Variants in UVSSA observed in about 807,000 individuals in gnomAD.
UVSSA encodes the protein UV stimulated scaffold protein A.
Under a neutral mutation model 73.9 loss-of-function variants are expected in UVSSA, and 72 were observed. That is an observed-to-expected ratio of 0.97 (90% CI 0.81 to 1.19). The LOEUF (loss-of-function observed/expected upper bound fraction) is 1.19, where lower values mean the gene tolerates loss of function less well. Among genes scored for constraint, UVSSA ranks in the 50% most tolerant of loss-of-function variants. The pLI is 0.00. For missense variants in UVSSA, 1,150 were observed against 965.0 expected, an observed-to-expected ratio of 1.19 and a Z score of -2.54; for synonymous variants, 454 against 391.3, an observed-to-expected ratio of 1.16 and a Z score of -1.89.
At chr4:1,352,547 A>G (rs1213602245) in intron 4 of UVSSA, among the ~76,000 whole-genome samples, 1 of 152,204 alleles carries the variant, frequency 6.6e-6, no homozygotes, top group Non-Finnish European at 1.5e-5. Flanking sequence ...TGTCCTGGGA[A>G]GTGCAGGTGG....
chr4:1,366,247 G>A, intron 7 of UVSSA, 73 bp from the exon 8 acceptor site: 1 of 1,203,088 alleles, frequency 8.3e-7, no homozygotes, highest in Non-Finnish European at 1.2e-6. Context: ...GAATTTCCAG[G>A]GCTCTGCCCA....
exon 14 of UVSSA, chr4:1,394,522 C>A (rs764179233): frequency 1.3e-6 from 2 of 1,587,610 alleles, no homozygotes; most frequent in East Asian, 4.5e-5. Flanking sequence ...ATGCATGAGC[C>A]CTCGCTTTGT....
chr4:1,382,694 C>T (rs1037649639), intron 12 of UVSSA, among the ~76,000 whole-genome samples: 1 of 152,200 alleles, frequency 6.6e-6, no homozygotes, highest in Non-Finnish European at 1.5e-5. Flanking sequence ...TTGGATTAAT[C>T]GTTCCTGTAT....
At chr4:1,369,483 G>A (rs1396117627) in intron 8 of UVSSA, among the ~76,000 whole-genome samples, 1 of 152,264 alleles carries the variant, frequency 6.6e-6, no homozygotes, top group Non-Finnish European at 1.5e-5. Context: ...CGAATCTGAA[G>A]TAGTTAGATT....
chr4:1,355,042 A>G (rs1715482929), intron 6 of UVSSA, 75 bp from the exon 7 acceptor site: 4 of 1,583,272 alleles, frequency 2.5e-6, no homozygotes, highest in East Asian at 4.5e-5. Context: ...TGGACCTGGC[A>G]TGTGCCTCCC....
chr4:1,346,786 C>T (rs1281877726), upstream of UVSSA, among the ~76,000 whole-genome samples: 1 of 152,190 alleles, frequency 6.6e-6, no homozygotes, highest in African/African-American at 2.4e-5. Flanking sequence ...CCGGAACTTC[C>T]TTTCGGCCTC....
chr4:1,392,668 T>C (rs1342951337), downstream of UVSSA: 2 of 152,258 alleles, frequency 1.3e-5, no homozygotes, highest in Non-Finnish European at 2.9e-5. Flanking sequence ...CTTTTTAGCT[T>C]CTGACTGTTT....
intron 8 of UVSSA, among the ~76,000 whole-genome samples, chr4:1,367,668 G>A (rs570949683): frequency 5.1e-4 from 77 of 152,174 alleles, no homozygotes; most frequent in African/African-American, 1.8e-3. Context: ...CCGGGACCTC[G>A]CTCTGGGAAC....
chr4:1,347,996 T>C, intron 1 of UVSSA, 94 bp from the exon 2 acceptor site: 1 of 1,078,020 alleles, frequency 9.3e-7, no homozygotes. Flanking sequence ...CCCGGAGCTT[T>C]CGGTTTATAG....
chr4:1,372,867 C>T lies in UVSSA; in HGVS notation c.1289-2497C>T, dbSNP rs1344954031. Among the ~76,000 whole-genome samples, 2 of 145,798 alleles carry T rather than the reference C, an allele frequency of 1.4e-5. 1 individual carries two copies. The highest frequency in any genetic ancestry group is 5.1e-5 in the African/African-American group (2 of 39,596). ...CACTCACCTCCCGCGTCCCTGCACT[C>T]ACCTCCCGCGTCTCAGGGCACTCAC... On this transcript the variant is annotated intron_variant, in intron 8 of 13. Transcript: ENST00000389851.
At chr4:1,380,010 C>T (rs2109295426) in intron 10 of UVSSA, 37 bp from the exon 11 acceptor site, 3 of 1,560,786 alleles carry the variant, frequency 1.9e-6, no homozygotes, top group Non-Finnish European at 2.6e-6. Context: ...TCTGGGGTCC[C>T]TGCAGATGCT....
At chr4:1,362,335 C>A (rs1024786631) in intron 7 of UVSSA, among the ~76,000 whole-genome samples, 7 of 152,182 alleles carry the variant, frequency 4.6e-5, no homozygotes, top group African/African-American at 1.4e-4. Context: ...CACTGTGGAC[C>A]AGCCTTGGGA....
upstream of UVSSA, among the ~76,000 whole-genome samples, chr4:1,344,127 T>G (rs540566101): frequency 6.6e-6 from 1 of 152,346 alleles, no homozygotes; most frequent in South Asian, 2.1e-4. Flanking sequence ...TTAATCTGAC[T>G]GCTTCTAAGA....
chr4:1,370,048 C>T (rs1272352303), intron 8 of UVSSA, among the ~76,000 whole-genome samples: 2 of 152,206 alleles, frequency 1.3e-5, no homozygotes, highest in African/African-American at 4.8e-5. Flanking sequence ...CCACGCGATG[C>T]GCAAGTGGGA....
intron 7 of UVSSA, among the ~76,000 whole-genome samples, chr4:1,361,869 T>A (rs867746094): frequency 5.6e-4 from 85 of 151,626 alleles, no homozygotes; most frequent in African/African-American, 1.6e-3. Flanking sequence ...TTTTTTTTTT[T>A]ATAAAAAGGG....
At chr4:1,360,560 C>T (rs963622874) in intron 7 of UVSSA, among the ~76,000 whole-genome samples, 4 of 152,316 alleles carry the variant, frequency 2.6e-5, no homozygotes, top group East Asian at 1.9e-4. Context: ...GTGCTATGGC[C>T]GCGCCCAGAG....
At chr4:1,357,274 G>A (rs1282887321) in intron 7 of UVSSA, among the ~76,000 whole-genome samples, 2 of 152,220 alleles carry the variant, frequency 1.3e-5, no homozygotes, top group Non-Finnish European at 2.9e-5. Flanking sequence ...GCTGATGGGT[G>A]GCATGGTCTG....
upstream of UVSSA, among the ~76,000 whole-genome samples, chr4:1,347,021 T>C (rs1235306228): frequency 6.6e-6 from 1 of 152,038 alleles, no homozygotes; most frequent in Non-Finnish European, 1.5e-5. Context: ...TCAGGGCACG[T>C]GCTAGGGGGC....
rs779329130 is a variant in UVSSA at position 1,349,731 on chromosome 4, C to T, written c.306C>T (p.Pro102=). 1.9e-6 allele frequency: 3 copies of T among 1,613,490 alleles called. No individual in the cohort carries two copies. Among genetic ancestry groups the T allele is most frequent in the Non-Finnish European group, 2.5e-6 (3 of 1,179,812 alleles). Reference sequence around the variant, plus strand: ...ACCCCGCACAGCCTCTGCCGCCCCCCAGGGAGGCGGCACAGAGGCTGAGGC... The same window carrying T: ...ACCCCGCACAGCCTCTGCCGCCCCCTAGGGAGGCGGCACAGAGGCTGAGGC... ...GTDPAQPLPP[P]REAAQRLRQA... is the part of the protein sequence containing the mutation. The change falls in exon 3 of 14, where the codon CCC becomes CCT. Residue 102 remains proline (P), a synonymous_variant. Coordinates refer to ENST00000389851, the MANE Select transcript of UVSSA (RefSeq NM_020894.4).
Sources: allele counts gnomAD v4.1 joint callset (sites outside exome capture counted in the v4.1 genomes callset), GRCh38; gene constraint gnomAD v4.1.1; transcripts MANE v1.5; gene names NCBI Gene and HGNC (gene_info 2026-07-23, HGNC 2026-07-21).